The following ETS1 variants were observed in gnomAD, a reference collection of about 807,000 sequenced individuals.
The protein encoded by ETS1 is protein C-ets-1.
ETS1 carries 15 observed loss-of-function variants against 58.6 expected under a neutral mutation model. The observed-to-expected ratio is 0.26, with a 90% CI of 0.17 to 0.39. ETS1 has a LOEUF of 0.39. Ranked by LOEUF, ETS1 falls within the 10% of genes least tolerant of loss-of-function variation. The pLI is 1.00. For synonymous variants in ETS1, 214 were observed against 218.2 expected (o/e 0.98, Z 0.17); for missense variants, 417 against 610.5 (o/e 0.68, Z 3.34).
At chr11:128,469,223 T>C (rs1220221232) in intron 8 of ETS1, among the ~76,000 whole-genome samples, 2 of 152,200 alleles carry the variant, frequency 1.3e-5, no homozygotes, top group African/African-American at 4.8e-5. Context: ...ATCAAATACC[T>C]CGGTGTGGGC....
chr11:128,572,823 C>T (rs141223608), intron 2 of ETS1, among the ~76,000 whole-genome samples: 2 of 152,334 alleles, frequency 1.3e-5, no homozygotes, highest in African/African-American at 2.4e-5. Flanking sequence ...TCATTTCTCT[C>T]AAACTCAAAC....
At chr11:128,527,820 A>T (rs1488014631) in intron 3 of ETS1, among the ~76,000 whole-genome samples, 1 of 152,238 alleles carries the variant, frequency 6.6e-6, no homozygotes, top group Non-Finnish European at 1.5e-5. Context: ...CAAAGACAAC[A>T]TCAAACTTCA....
chr11:128,490,537 C>T lies in ETS1; in HGVS notation c.254G>A (p.Ser85Asn). 2 of 1,611,494 alleles carry T rather than the reference C, an allele frequency of 1.2e-6. No individual in the cohort carries two copies. The highest frequency in any genetic ancestry group is 1.1e-5 in the South Asian group (1 of 91,032). The change falls in exon 4 of 10, where the codon AGC (serine) becomes AAC (asparagine). Residue 85 changes from serine to asparagine, a missense_variant. Transcript: ENST00000392668. ...TAATGCTTGAGACATCATTTCTTTG[C>T]TGCTTGGAGTTAATAGTGGGACATC... is the stretch of plus-strand genomic sequence containing the variant. Reference protein sequence around the residue: ...CADVPLLTPSSKEMMSQALKA... With the variant: ...CADVPLLTPSNKEMMSQALKA...
At chr11:128,517,312 A>C (rs1379429512) in intron 3 of ETS1, among the ~76,000 whole-genome samples, 3 of 152,230 alleles carry the variant, frequency 2.0e-5, no homozygotes, top group Non-Finnish European at 4.4e-5. Context: ...GTTTTTGAGA[A>C]TAACTCAAAA....
At chr11:128,466,978 C>T (rs1862054737) in intron 8 of ETS1, among the ~76,000 whole-genome samples, 5 of 152,338 alleles carry the variant, frequency 3.3e-5, no homozygotes, top group Middle Eastern at 3.4e-3. Flanking sequence ...CTAACTGGTG[C>T]ACACAGGGCT....
At position 128,464,699 on chromosome 11, in the gene ETS1, C is replaced by T. The variant is rs984295464; in HGVS notation, c.1124-1072G>A. 6.6e-6 allele frequency among the ~76,000 whole-genome samples: 1 copy of T among 152,164 alleles called. No individual in the cohort carries two copies. The highest frequency in any genetic ancestry group is 2.4e-5 in the African/African-American group (1 of 41,438). On this transcript the variant is annotated intron_variant, in intron 8 of 9. Transcript: ENST00000392668. This position sits in a 1 kb window ranked among gnomAD's most constrained non-coding sequence, Gnocchi z 4.1. ...CAGGAAAGCTTTGCTCACTAAGGCT[C>T]TAATTTTTCACCGGAGTTGCAAATT...
intron 2 of ETS1, among the ~76,000 whole-genome samples, 153 bp downstream of exon 2, chr11:128,572,909 C>T (rs1163980411): frequency 6.6e-6 from 1 of 152,154 alleles, no homozygotes; most frequent in Non-Finnish European, 1.5e-5. Context: ...GATAATCTTA[C>T]AATTGACATC....
At position 128,573,160 on chromosome 11, in the gene ETS1, C is replaced by A; in HGVS notation, c.-14-16G>T. On this transcript the variant is annotated splice_polypyrimidine_tract_variant and intron_variant, in intron 1 of 9. Transcript: ENST00000392668. ...CTCTCAGCACCTGTGTGAGAGAAGG[C>A]GTTGGCTGAGCCTCTGGATGCTCAC... 6.5e-7 allele frequency: 1 copy of A among 1,541,624 alleles called. No individual in the cohort carries two copies. Among genetic ancestry groups the A allele is most frequent in the South Asian group, 1.2e-5 (1 of 84,346 alleles).
intron 3 of ETS1, among the ~76,000 whole-genome samples, chr11:128,497,020 C>G (rs925646602): frequency 6.6e-6 from 1 of 152,100 alleles, no homozygotes; most frequent in Non-Finnish European, 1.5e-5. Context: ...TATTATTGTC[C>G]CAAACAACAG....
rs557922125 is a variant in ETS1 at position 128,480,426 on chromosome 11, A to G, written c.888T>C (p.Phe296=). The G allele has an allele frequency of 1.9e-6, 3 of 1,613,772 alleles. No homozygotes were observed. Among genetic ancestry groups the G allele is most frequent in the African/African-American group, 1.3e-5 (1 of 74,986 alleles). Residue 296 remains phenylalanine, a synonymous_variant, in exon 8 of 10, where the codon TTT becomes TTC. Transcript: ENST00000392668. ...AACTATCGTAGCTCTCTATGCTTTC[A>G]AAAGAGTCCTGGCCCCCGAGTTTAC... The part of the protein sequence containing the change: ...SRGKLGGQDS[F]ESIESYDSCD...
Position 128,464,490 on chromosome 11 carries a change from A to G in ETS1, c.1124-863T>C, listed in dbSNP as rs187408693. Among the ~76,000 whole-genome samples, 1 of 152,126 alleles carries G rather than the reference A, an allele frequency of 6.6e-6. No homozygotes were observed. The highest frequency in any genetic ancestry group is 1.9e-4 in the East Asian group (1 of 5,174). ...GATTTCCTTTGAGGATACTTTTCTC[A>G]TCTGAAATGACAATGCCACCAGTGA... On this transcript the variant is annotated intron_variant, in intron 8 of 9. Coordinates refer to ENST00000392668, the MANE Select transcript of ETS1 (RefSeq NM_001143820.2). The surrounding 1 kb of genome is among the most constrained non-coding windows in gnomAD (Gnocchi z 4.1).
intron 3 of ETS1, among the ~76,000 whole-genome samples, chr11:128,513,258 T>G (rs541065926): frequency 2.6e-4 from 39 of 152,360 alleles, no homozygotes; most frequent in African/African-American, 9.4e-4. Context: ...CTACACTCTC[T>G]CCAAGCCTTG....
intron 3 of ETS1, among the ~76,000 whole-genome samples, chr11:128,494,056 T>C (rs1303211570): frequency 6.6e-6 from 1 of 152,244 alleles, no homozygotes; most frequent in African/African-American, 2.4e-5. Flanking sequence ...ATTTCTAATT[T>C]TAGAATCAGT....
intron 7 of ETS1, among the ~76,000 whole-genome samples, chr11:128,483,353 C>G (rs77464696): frequency 0.071 from 10,782 of 152,184 alleles, 453 homozygotes; most frequent in African/African-American, 0.12. Flanking sequence ...GACAGGAGAT[C>G]GACCCAAAGT....
At chr11:128,532,767 TA>T (rs1199856676) in intron 3 of ETS1, among the ~76,000 whole-genome samples, 1 of 152,080 alleles carries the variant, frequency 6.6e-6, no homozygotes, top group Non-Finnish European at 1.5e-5. Flanking sequence ...TAGCTCTGTC[TA>T]AAATTATTAG....
chr11:128,570,377 A>G (rs1432075641), intron 2 of ETS1, among the ~76,000 whole-genome samples: 1 of 151,888 alleles, frequency 6.6e-6, no homozygotes, highest in Non-Finnish European at 1.5e-5. Context: ...AGCTGGGATT[A>G]CAAGGCATGT....
intron 3 of ETS1, chr11:128,527,054 C>A (rs1394207197): frequency 2.3e-6 from 1 of 442,780 alleles, no homozygotes; most frequent in Non-Finnish European, 4.5e-6. Flanking sequence ...ACCAGACACC[C>A]TTGAGACACA....
chr11:128,517,974 T>C (rs1863569936), intron 3 of ETS1, among the ~76,000 whole-genome samples: 1 of 152,226 alleles, frequency 6.6e-6, no homozygotes, highest in African/African-American at 2.4e-5. Flanking sequence ...TTATAATAAC[T>C]GGACATGATG....
intron 3 of ETS1, among the ~76,000 whole-genome samples, chr11:128,501,251 C>T (rs986519285): frequency 3.3e-5 from 5 of 152,092 alleles, no homozygotes; most frequent in African/African-American, 1.2e-4. Flanking sequence ...CATAGGTGAA[C>T]ATCGTGCTTC....
Sources: allele counts gnomAD v4.1 joint callset (sites outside exome capture counted in the v4.1 genomes callset), GRCh38; gene constraint gnomAD v4.1.1; non-coding constraint Gnocchi (gnomAD v3.1); transcripts MANE v1.5; gene names NCBI Gene and HGNC (gene_info 2026-07-23, HGNC 2026-07-21).